DNAJC3: variants seen among roughly 807,000 people sequenced by gnomAD.
The protein encoded by DNAJC3 is DnaJ heat shock protein family (Hsp40) member C3.
A neutral mutation model predicts 68.6 loss-of-function variants in DNAJC3; 38 were observed. The observed-to-expected ratio is 0.55, with a 90% CI of 0.43 to 0.73. DNAJC3 has a LOEUF of 0.73. Among genes scored for constraint, DNAJC3 ranks in the 30% least tolerant of loss-of-function variants. The pLI is 0.00. For missense variants in DNAJC3, 526 were observed against 591.9 expected (o/e 0.89, Z 1.16); for synonymous variants, 203 against 204.0 (o/e 1.00, Z 0.04).
intron 2 of DNAJC3, among the ~76,000 whole-genome samples, chr13:95,712,013 A>G (rs1451939676): frequency 6.6e-6 from 1 of 152,248 alleles, no homozygotes; most frequent in African/African-American, 2.4e-5. Context: ...GTTTGTACAC[A>G]CAAACACATA....
At chr13:95,790,788 C>A in intron 11 of DNAJC3, 85 bp from the exon 12 acceptor site, 2 of 1,378,342 alleles carry the variant, frequency 1.5e-6, no homozygotes, top group Non-Finnish European at 2.0e-6. Context: ...CAAGCCCACC[C>A]ACCCTCCTCT....
intron 4 of DNAJC3, among the ~76,000 whole-genome samples, chr13:95,749,111 A>T (rs1402361474): frequency 6.6e-6 from 1 of 152,252 alleles, no homozygotes; most frequent in African/African-American, 2.4e-5. Flanking sequence ...TCTTATAACA[A>T]TATTTTTAAT....
intron 4 of DNAJC3, among the ~76,000 whole-genome samples, chr13:95,734,527 GT>G (rs1340794829): frequency 6.6e-6 from 1 of 152,110 alleles, no homozygotes; most frequent in African/African-American, 2.4e-5. Context: ...TCTATTTTGG[GT>G]TATCTGAGCT....
chr13:95,722,710 C>T (rs1210691254), intron 2 of DNAJC3, among the ~76,000 whole-genome samples: 5 of 149,744 alleles, frequency 3.3e-5, no homozygotes, highest in Non-Finnish European at 7.4e-5. Flanking sequence ...GTCCCAGCTT[C>T]TCAGAAGGCT....
chr13:95,783,658 C>T (rs1883514614), intron 9 of DNAJC3, among the ~76,000 whole-genome samples: 2 of 152,156 alleles, frequency 1.3e-5, no homozygotes, highest in Admixed American at 6.5e-5. Context: ...TGAAGGGTCC[C>T]CTTCCCCAGT....
chr13:95,699,711 T>C (rs1880536241), intron 1 of DNAJC3, among the ~76,000 whole-genome samples: 1 of 152,244 alleles, frequency 6.6e-6, no homozygotes, highest in South Asian at 2.1e-4. Context: ...GACGTTTACT[T>C]CCTGGGGTTG....
At chr13:95,688,221 T>C (rs931162305) in intron 1 of DNAJC3, among the ~76,000 whole-genome samples, 5 of 152,184 alleles carry the variant, frequency 3.3e-5, no homozygotes, top group African/African-American at 1.2e-4. Flanking sequence ...ATATAATCAC[T>C]GAAGAGAGGT....
chr13:95,707,438 TCATTA>T (rs1024612187), intron 1 of DNAJC3, among the ~76,000 whole-genome samples: 9 of 152,194 alleles, frequency 5.9e-5, no homozygotes, highest in African/African-American at 2.2e-4. Context: ...CCTCAGTACT[TCATTA>T]CAGTCAACCA....
intron 4 of DNAJC3, among the ~76,000 whole-genome samples, chr13:95,734,166 A>G (rs781168502): frequency 4.6e-5 from 7 of 152,078 alleles, no homozygotes; most frequent in Non-Finnish European, 1.0e-4. Flanking sequence ...GACAGTAGAT[A>G]TTGTCCTTTT....
At chr13:95,704,669 C>T (rs1880671548) in intron 1 of DNAJC3, among the ~76,000 whole-genome samples, 1 of 152,018 alleles carries the variant, frequency 6.6e-6, no homozygotes, top group Non-Finnish European at 1.5e-5. Flanking sequence ...GAAACGGATC[C>T]ATTATGGAAG....
intron 7 of DNAJC3, 121 bp downstream of exon 7, chr13:95,760,919 C>T: frequency 7.3e-7 from 1 of 1,367,818 alleles, no homozygotes; most frequent in Non-Finnish European, 9.6e-7. Flanking sequence ...TCTAGATAGC[C>T]CTGGGCCTTA....
At chr13:95,727,898 C>T (rs750216344) in intron 4 of DNAJC3, among the ~76,000 whole-genome samples, 8 of 152,298 alleles carry the variant, frequency 5.3e-5, no homozygotes, top group South Asian at 2.1e-4. Flanking sequence ...CAATTTCCAT[C>T]CCACCCTGCT....
At chr13:95,686,346 T>G (rs1424252655) in intron 1 of DNAJC3, among the ~76,000 whole-genome samples, 1 of 152,238 alleles carries the variant, frequency 6.6e-6, no homozygotes, top group Admixed American at 6.5e-5. Context: ...TAGTCCTTTG[T>G]CGGAGGCATA....
At chr13:95,784,831 G>A (rs1566517270) in intron 9 of DNAJC3, among the ~76,000 whole-genome samples, 1 of 152,040 alleles carries the variant, frequency 6.6e-6, no homozygotes, top group Non-Finnish European at 1.5e-5. Flanking sequence ...AAATACTGCT[G>A]GGCGTGGTGG....
At chr13:95,777,013 TG>T (rs1270465373) in intron 9 of DNAJC3, among the ~76,000 whole-genome samples, 1 of 152,254 alleles carries the variant, frequency 6.6e-6, no homozygotes, top group Non-Finnish European at 1.5e-5. Context: ...CAGTGTCTAC[TG>T]GTTTTCCTTT....
intron 4 of DNAJC3, among the ~76,000 whole-genome samples, chr13:95,730,672 G>A (rs1881681803): frequency 6.6e-6 from 1 of 152,122 alleles, no homozygotes; most frequent in South Asian, 2.1e-4. Flanking sequence ...TGATGTATGT[G>A]TCTGGTTTTA....
At chr13:95,719,456 G>A (rs934655013) in intron 2 of DNAJC3, among the ~76,000 whole-genome samples, 27 of 152,086 alleles carry the variant, frequency 1.8e-4, no homozygotes, top group Non-Finnish European at 2.5e-4. Context: ...TCAACAACCC[G>A]AGGAGGGTAC....
Position 95,704,946 on chromosome 13 carries a change from G to A in DNAJC3, c.83-4281G>A, listed in dbSNP as rs886281531. Among the ~76,000 whole-genome samples, 7 of 150,092 alleles carry A rather than the reference G, an allele frequency of 4.7e-5. No individual in the cohort carries two copies. In the East Asian group the frequency reaches 1.2e-3, roughly 25 times the overall value. On this transcript the variant is annotated intron_variant, in intron 1 of 11. Transcript: ENST00000602402. ...AGCTCACCGCAACCTCCACCTCGTG[G>A]GTTCAAGTGATTCTCATGCCTCAGC...
At chr13:95,698,808 A>G (rs1445865238) in intron 1 of DNAJC3, among the ~76,000 whole-genome samples, 1 of 152,240 alleles carries the variant, frequency 6.6e-6, no homozygotes, top group East Asian at 1.9e-4. Context: ...TCAGAGAAGT[A>G]TAGCAAGTTT....
Sources: allele counts gnomAD v4.1 joint callset (sites outside exome capture counted in the v4.1 genomes callset), GRCh38; gene constraint gnomAD v4.1.1; transcripts MANE v1.5; gene names NCBI Gene and HGNC (gene_info 2026-07-23, HGNC 2026-07-21).